The following BICD1 variants were observed in gnomAD, a reference collection of about 807,000 sequenced individuals.
The protein encoded by BICD1 is BICD cargo adaptor 1, also known as protein bicaudal D homolog 1.
Under a neutral mutation model 92.5 loss-of-function variants are expected in BICD1, and 35 were observed. The ratio of observed to expected loss-of-function variants is 0.38; its 90% CI spans 0.29 to 0.50. The LOEUF is 0.50. Ranked by LOEUF, BICD1 falls within the 20% of genes least tolerant of loss-of-function variation. The probability of loss-of-function intolerance (pLI) is 0.93; values close to 1 mark genes in which losing one functional copy is unlikely to be tolerated. For missense variants in BICD1, 950 were observed against 1,189.8 expected (o/e 0.80, Z 2.97); for synonymous variants, 429 against 465.1 (o/e 0.92, Z 1.00).
At chr12:32,161,808 T>C (rs573481405) in intron 1 of BICD1, among the ~76,000 whole-genome samples, 2 of 152,326 alleles carry the variant, frequency 1.3e-5, no homozygotes, top group East Asian at 3.9e-4. Context: ...TTCTATGCCA[T>C]GTCTATCACC....
At chr12:32,157,023 T>G (rs1048241825) in intron 1 of BICD1, among the ~76,000 whole-genome samples, 2 of 152,220 alleles carry the variant, frequency 1.3e-5, no homozygotes, top group African/African-American at 4.8e-5. Context: ...CACTTTGAAC[T>G]GTTGCCTGGG....
At chr12:32,160,243 G>A (rs547130906) in intron 1 of BICD1, among the ~76,000 whole-genome samples, 2 of 152,294 alleles carry the variant, frequency 1.3e-5, no homozygotes, top group South Asian at 2.1e-4. Flanking sequence ...GGCAGCCTCG[G>A]CTAATCCCTT....
intron 2 of BICD1, among the ~76,000 whole-genome samples, chr12:32,218,407 G>A (rs777484802): frequency 6.6e-6 from 1 of 152,184 alleles, no homozygotes; most frequent in Non-Finnish European, 1.5e-5. Context: ...GTAGATCGAG[G>A]TAGGACCCAA....
chr12:32,226,140 G>A (rs1945681990), intron 2 of BICD1, among the ~76,000 whole-genome samples: 1 of 151,762 alleles, frequency 6.6e-6, no homozygotes, highest in Non-Finnish European at 1.5e-5. Context: ...GTTTTGTTTT[G>A]TTTGTTTGCT....
chr12:32,205,737 G>A (rs71457612), intron 1 of BICD1, among the ~76,000 whole-genome samples: 1 of 78,028 alleles, frequency 1.3e-5, no homozygotes, highest in African/African-American at 4.4e-5. Flanking sequence ...TTTGACATAT[G>A]TATATACTTG....
At chr12:32,236,872 C>CTTTTTTTT (rs57318640) in intron 2 of BICD1, among the ~76,000 whole-genome samples, 5 of 89,304 alleles carry the variant, frequency 5.6e-5, no homozygotes, top group East Asian at 3.8e-4. Context: ...AAGTCTAATT[C>CTTTTTTTT]TTTTTTTTTT....
At chr12:32,111,580 A>G (rs886151335) in intron 1 of BICD1, among the ~76,000 whole-genome samples, 1 of 152,076 alleles carries the variant, frequency 6.6e-6, no homozygotes, top group Admixed American at 6.6e-5. Flanking sequence ...ATGATTTTTA[A>G]CTTCTCTCAT....
chr12:32,300,922 A>C (rs1471153652), intron 3 of BICD1, among the ~76,000 whole-genome samples: 1 of 151,940 alleles, frequency 6.6e-6, no homozygotes, highest in Non-Finnish European at 1.5e-5. Context: ...AAGTGCTGGG[A>C]TTACAGGCGC....
chr12:32,257,548 T>G (rs768271374), intron 2 of BICD1, among the ~76,000 whole-genome samples: 4 of 152,100 alleles, frequency 2.6e-5, no homozygotes, highest in Non-Finnish European at 5.9e-5. Context: ...GGCATGTAAT[T>G]TGGTACAACC....
intron 2 of BICD1, among the ~76,000 whole-genome samples, chr12:32,249,307 A>G (rs2136100824): frequency 6.6e-6 from 1 of 152,384 alleles, no homozygotes; most frequent in East Asian, 1.9e-4. Flanking sequence ...CCCAAGGTGT[A>G]CAGGGATCTC....
intron 8 of BICD1, among the ~76,000 whole-genome samples, chr12:32,351,961 C>T (rs1430279219): frequency 3.3e-5 from 5 of 150,906 alleles, no homozygotes; most frequent in Non-Finnish European, 7.4e-5. Context: ...AATCCCAGCA[C>T]TTTGGGAGGC....
At chr12:32,350,963 T>C (rs1455750567) in intron 8 of BICD1, among the ~76,000 whole-genome samples, 3 of 133,980 alleles carry the variant, frequency 2.2e-5, no homozygotes, top group Non-Finnish European at 3.5e-5. Flanking sequence ...GCCAAGTTTA[T>C]TTTAACTTTA....
intron 1 of BICD1, among the ~76,000 whole-genome samples, chr12:32,153,524 A>G (rs1278921231): frequency 6.6e-6 from 1 of 152,320 alleles, no homozygotes; most frequent in East Asian, 1.9e-4. Flanking sequence ...ATGGAGGCCA[A>G]GGCGGGTGGA....
At chr12:32,196,290 T>C (rs1034720191) in intron 1 of BICD1, among the ~76,000 whole-genome samples, 1 of 152,202 alleles carries the variant, frequency 6.6e-6, no homozygotes, top group Non-Finnish European at 1.5e-5. Context: ...ATCCCACTTC[T>C]GGGATGAAAT....
At chr12:32,282,194 GTCTTCT>G (rs781644197) in intron 2 of BICD1, among the ~76,000 whole-genome samples, 1 of 89,254 alleles carries the variant, frequency 1.1e-5, no homozygotes, top group African/African-American at 3.7e-5. Flanking sequence ...CCAGCTTCAG[GTCTTCT>G]TCTTTTTTTT....
At chr12:32,351,923 T>G (rs1422734695) in intron 8 of BICD1, among the ~76,000 whole-genome samples, 2 of 147,712 alleles carry the variant, frequency 1.4e-5, no homozygotes, top group Admixed American at 6.7e-5. Context: ...AAAAAAAAAG[T>G]TGGCCAGGCA....
chr12:32,131,077 T>G (rs947654526), intron 1 of BICD1, among the ~76,000 whole-genome samples: 7 of 152,046 alleles, frequency 4.6e-5, no homozygotes, highest in African/African-American at 1.7e-4. Flanking sequence ...TCAGGTGATC[T>G]GCCCGCCTCA....
intron 4 of BICD1, among the ~76,000 whole-genome samples, chr12:32,322,285 T>C (rs1477012538): frequency 6.6e-6 from 1 of 152,188 alleles, no homozygotes; most frequent in Non-Finnish European, 1.5e-5. Flanking sequence ...ATTCAATTGA[T>C]TTCAGCAGAA....
At chr12:32,285,075 T>C (rs1269229642) in intron 2 of BICD1, among the ~76,000 whole-genome samples, 1 of 152,192 alleles carries the variant, frequency 6.6e-6, no homozygotes, top group Non-Finnish European at 1.5e-5. Context: ...AACACAAATA[T>C]AAGGCTACTT....
Sources: gnomAD v4.1 joint callset for allele counts (sites outside exome capture counted in the v4.1 genomes callset) on GRCh38, gnomAD v4.1.1 for gene constraint, MANE v1.5 for transcripts, NCBI Gene and HGNC (gene_info 2026-07-23, HGNC 2026-07-21) for gene names.